Variants in AMTN observed in about 807,000 individuals in gnomAD.
The protein encoded by AMTN is RSTI689.
A neutral mutation model predicts 27.4 loss-of-function variants in AMTN; 29 were observed. That is an observed-to-expected ratio of 1.06 (90% CI 0.79 to 1.44). The LOEUF (loss-of-function observed/expected upper bound fraction) is 1.44. AMTN is among the 40% of genes most tolerant of loss of function. The pLI is 0.00. For missense variants in AMTN, 247 were observed against 248.8 expected (o/e 0.99, Z 0.05); for synonymous variants, 86 against 95.7 (o/e 0.90, Z 0.59).
At chr4:70,529,274 A>G (rs1736165085) in intron 7 of AMTN, 64 bp downstream of exon 7, 3 of 1,261,382 alleles carry the variant, frequency 2.4e-6, no homozygotes, top group Non-Finnish European at 3.2e-6. Context: ...TTCTGTCCTC[A>G]TATAGTCTCT....
At position 70,531,160 on chromosome 4, in the gene AMTN, TA is replaced by T; in HGVS notation, c.482del (p.Asn161IlefsTer24). Reference sequence around the variant, plus strand: ...AGCCTTCCAGCAGGAGGAGCAGGTGTAAATCCTGCCACCCAGGGAACCCCAG... The same window carrying T: ...AGCCTTCCAGCAGGAGGAGCAGGTGTAATCCTGCCACCCAGGGAACCCCAG... ...DGSLPAGGAGVNPATQGTPAG... is the reference protein window; with the variant it reads ...DGSLPAGGAGXNPATQGTPAG... On this transcript the variant is annotated frameshift_variant, in exon 8 of 9. Transcript: ENST00000339336. LOFTEE classifies it high-confidence loss of function. 1 of 1,614,006 alleles carries T rather than the reference TA, an allele frequency of 6.2e-7. No homozygotes were observed. The highest frequency in any genetic ancestry group is 8.5e-7 in the Non-Finnish European group (1 of 1,179,970).
At chr4:70,521,748 T>C (rs1434309845) in intron 2 of AMTN, among the ~76,000 whole-genome samples, 1 of 139,588 alleles carries the variant, frequency 7.2e-6, no homozygotes, top group Admixed American at 7.6e-5. Flanking sequence ...ACCTCCCGAG[T>C]AGCTGGGACT....
chr4:70,529,772 T>C lies in AMTN; in HGVS notation c.357+562T>C, dbSNP rs190207287. ...CTAGAGAAAAGGACTTGAATTAACATGATATCTAAACATGACAACAGTACA... is the reference window on the plus strand; with the variant it reads ...CTAGAGAAAAGGACTTGAATTAACACGATATCTAAACATGACAACAGTACA... On this transcript the variant is annotated intron_variant, in intron 7 of 8. Transcript: ENST00000339336. Among the ~76,000 whole-genome samples, 85 of 152,254 alleles carry C rather than the reference T, an allele frequency of 5.6e-4. 3 individuals are homozygous for C. In the East Asian group the frequency reaches 0.01, roughly 18 times the overall value.
intron 4 of AMTN, 88 bp downstream of exon 4, chr4:70,524,021 C>T (rs1037485978): frequency 2.5e-5 from 26 of 1,037,526 alleles, no homozygotes; most frequent in Middle Eastern, 2.2e-4. Context: ...TATATGGGTG[C>T]GTATATCCAC....
intron 6 of AMTN, 79 bp from the exon 7 acceptor site, chr4:70,529,105 T>G (rs1022346928): frequency 2.4e-6 from 3 of 1,248,464 alleles, no homozygotes; most frequent in Non-Finnish European, 3.3e-6. Context: ...TATTTTAAGT[T>G]TTAAGTGATA....
chr4:70,524,148 T>G (rs28503247), intron 4 of AMTN, among the ~76,000 whole-genome samples: 52,685 of 151,918 alleles, frequency 0.35, 9,813 homozygotes, highest in African/African-American at 0.47. Flanking sequence ...CTAAACAAAT[T>G]AATCTAATTC....
intron 7 of AMTN, among the ~76,000 whole-genome samples, chr4:70,530,227 A>G (rs1032903909): frequency 6.7e-5 from 10 of 149,386 alleles, no homozygotes; most frequent in South Asian, 2.1e-4. Context: ...CTTAGCACAC[A>G]CACACACACA....
intron 5 of AMTN, 144 bp downstream of exon 5, chr4:70,525,105 A>T (rs73826539): frequency 1.4e-6 from 1 of 692,026 alleles, no homozygotes; most frequent in African/African-American, 1.8e-5. Context: ...ATAGACCAGT[A>T]TTTGACAATC....
intron 5 of AMTN, among the ~76,000 whole-genome samples, chr4:70,527,261 C>G (rs1394295271): frequency 1.3e-5 from 2 of 152,170 alleles, no homozygotes; most frequent in African/African-American, 4.8e-5. Context: ...CAAATAATTT[C>G]TCTACCGACA....
At chr4:70,528,670 T>C in intron 5 of AMTN, 53 bp from the exon 6 acceptor site, 6 of 1,522,416 alleles carry the variant, frequency 3.9e-6, no homozygotes, top group Non-Finnish European at 5.4e-6. Context: ...TATCAGTATT[T>C]ATACCATCTT....
At chr4:70,522,370 A>G (rs1189418323) in intron 2 of AMTN, among the ~76,000 whole-genome samples, 2 of 152,208 alleles carry the variant, frequency 1.3e-5, no homozygotes, top group East Asian at 1.9e-4. Context: ...ATGAAAAGGT[A>G]GTAAGAATGA....
At chr4:70,532,426 C>T in intron 8 of AMTN, 29 bp from the exon 9 acceptor site, 2 of 1,559,026 alleles carry the variant, frequency 1.3e-6, no homozygotes, top group Non-Finnish European at 1.8e-6. Context: ...TTTTTACCTA[C>T]ATTTAAAAGG....
intron 5 of AMTN, among the ~76,000 whole-genome samples, chr4:70,526,374 A>G (rs1736099645): frequency 6.6e-6 from 1 of 152,188 alleles, no homozygotes; most frequent in South Asian, 2.1e-4. Flanking sequence ...ATACTAAATT[A>G]CTTATTATGA....
intron 3 of AMTN, 122 bp from the exon 4 acceptor site, chr4:70,523,746 A>T: frequency 1.2e-6 from 1 of 817,740 alleles, no homozygotes; most frequent in Non-Finnish European, 2.0e-6. Context: ...CTTCATCTTT[A>T]TTTACCTTCA....
At chr4:70,521,410 G>A (rs1430540737) in intron 2 of AMTN, among the ~76,000 whole-genome samples, 2 of 110,308 alleles carry the variant, frequency 1.8e-5, no homozygotes, top group African/African-American at 3.0e-5. Flanking sequence ...AGAAAAGAAA[G>A]AAAAGAAAAA....
chr4:70,522,854 T>C lies in AMTN; in HGVS notation c.138+16T>C. 6.2e-7 allele frequency: 1 copy of C among 1,610,176 alleles called. No individual in the cohort carries two copies. The highest frequency in any genetic ancestry group is 8.5e-7 in the Non-Finnish European group (1 of 1,176,680). On this transcript the variant is annotated intron_variant, in intron 3 of 8. Transcript: ENST00000339336. The stretch of plus-strand genomic sequence containing the variant: ...GTCAAATCAGGTAAGAGTCCTACAA[T>C]ATGGAACATGTACAAACCGGTAAAG...
rs745826836 is a variant in AMTN, at chr4:70,524,884, G to T, written c.217G>T (p.Ala73Ser). The change falls in exon 5 of 9, where the codon GCA becomes TCA. Residue 73 changes from alanine to serine, a missense_variant. Ala to Ser is a moderately conservative substitution (Grantham distance 99). Transcript: ENST00000339336. ...GPDLHLLNPA[A>S]GMTPGTQTHP... is the part of the protein sequence containing the mutation. ...CCTTGCCCTACAGTTAAATCCTGCT[G>T]CAGGAATGACACCTGGTACCCAGAC... The T allele has an allele frequency of 5.0e-6, 8 of 1,613,990 alleles. No homozygotes were observed. The highest frequency in any genetic ancestry group is 1.3e-5 in the African/African-American group (1 of 75,038).
At chr4:70,530,517 G>A (rs950205960) in intron 7 of AMTN, among the ~76,000 whole-genome samples, 1 of 152,120 alleles carries the variant, frequency 6.6e-6, no homozygotes, top group African/African-American at 2.4e-5. Context: ...GGTTAAAAAG[G>A]CAGATTGCTA....
chr4:70,522,264 AT>A (rs1410614083), intron 2 of AMTN, among the ~76,000 whole-genome samples: 5 of 152,168 alleles, frequency 3.3e-5, no homozygotes, highest in African/African-American at 1.2e-4. Context: ...AAATTCAGTG[AT>A]TTTTAATACA....
Sources: allele counts gnomAD v4.1 joint callset (sites outside exome capture counted in the v4.1 genomes callset), GRCh38; gene constraint gnomAD v4.1.1; transcripts MANE v1.5; gene names NCBI Gene and HGNC (gene_info 2026-07-23, HGNC 2026-07-21).